Variants in CDH18 observed in about 807,000 individuals in gnomAD.
CDH18 encodes the protein cadherin-18.
Under a neutral mutation model 67.9 loss-of-function variants are expected in CDH18, and 31 were observed. That is an observed-to-expected ratio of 0.46 (90% CI 0.34 to 0.62). The LOEUF is 0.62. Ranked by LOEUF, CDH18 falls within the 20% of genes least tolerant of loss-of-function variation. The pLI is 0.01. For synonymous variants in CDH18, 362 were observed against 347.2 expected (o/e 1.04, Z -0.48); for missense variants, 890 against 975.5 (o/e 0.91, Z 1.17).
intron 2 of CDH18, among the ~76,000 whole-genome samples, chr5:20,118,604 T>G (rs1748108361): frequency 6.6e-6 from 1 of 152,186 alleles, no homozygotes; most frequent in South Asian, 2.1e-4. Context: ...CTACAGTTTG[T>G]AAGTAGTACA....
chr5:20,430,687 C>T (rs549142778), intron 1 of CDH18, among the ~76,000 whole-genome samples: 8 of 152,220 alleles, frequency 5.3e-5, no homozygotes, highest in African/African-American at 1.4e-4. Context: ...CAAAGCTAAA[C>T]AGATGGTGAG....
intron 2 of CDH18, among the ~76,000 whole-genome samples, chr5:20,090,361 C>A (rs1375450262): frequency 6.6e-6 from 1 of 151,882 alleles, no homozygotes; most frequent in Admixed American, 6.6e-5. Flanking sequence ...ATAGAGAAAC[C>A]CCGTCTCTAC....
chr5:20,548,000 T>C (rs1476847628), intron 1 of CDH18, among the ~76,000 whole-genome samples: 1 of 151,842 alleles, frequency 6.6e-6, no homozygotes, highest in Non-Finnish European at 1.5e-5. Flanking sequence ...AATAGATTTG[T>C]ATTCAGTAAG....
chr5:19,900,466 C>T (rs1033391621), intron 2 of CDH18, among the ~76,000 whole-genome samples: 4 of 151,574 alleles, frequency 2.6e-5, no homozygotes, highest in Non-Finnish European at 5.9e-5. Context: ...ATGTATCAAA[C>T]CCTGATTCGA....
At chr5:20,126,860 A>ACATTTT (rs1748874709) in intron 2 of CDH18, among the ~76,000 whole-genome samples, 1 of 152,240 alleles carries the variant, frequency 6.6e-6, no homozygotes, top group Non-Finnish European at 1.5e-5. Flanking sequence ...ACTTTTGATG[A>ACATTTT]GAATGTAAAA....
intron 3 of CDH18, among the ~76,000 whole-genome samples, chr5:19,769,807 C>T (rs1773529843): frequency 6.6e-6 from 1 of 150,550 alleles, no homozygotes. Flanking sequence ...AAGTACGACT[C>T]ACAGAGTGGG....
At position 19,576,141 on chromosome 5, in the gene CDH18, T is replaced by C. The variant is rs535154748; in HGVS notation, c.1000-4309A>G. ...AATGTAAGACCTAAAACGATAAATCTACTAGAAGAAGAAATTGAGGGGAAA... is the reference window on the plus strand; with the variant it reads ...AATGTAAGACCTAAAACGATAAATCCACTAGAAGAAGAAATTGAGGGGAAA... On this transcript the variant is annotated intron_variant, in intron 7 of 12. Transcript: ENST00000382275. Among the ~76,000 whole-genome samples, 13 of 152,124 alleles carry C rather than the reference T, an allele frequency of 8.5e-5. No individual in the cohort carries two copies. The South Asian group carries it at 2.7e-3, about 32-fold the overall frequency.
chr5:19,937,541 C>T (rs1242762892), intron 2 of CDH18, among the ~76,000 whole-genome samples: 3 of 151,392 alleles, frequency 2.0e-5, no homozygotes, highest in Admixed American at 1.3e-4. Context: ...TTTTCTATAG[C>T]AAACGAATGC....
At chr5:19,519,821 A>G (rs1579966864) in intron 10 of CDH18, among the ~76,000 whole-genome samples, 1 of 152,074 alleles carries the variant, frequency 6.6e-6, no homozygotes, top group African/African-American at 2.4e-5. Flanking sequence ...TCGGGTCTGT[A>G]TCAGAAAGAA....
intron 6 of CDH18, among the ~76,000 whole-genome samples, chr5:19,591,668 A>G (rs1745161420): frequency 6.6e-6 from 1 of 152,098 alleles, no homozygotes; most frequent in South Asian, 2.1e-4. Flanking sequence ...TATGGAATTC[A>G]ACAGAAAAAC....
chr5:20,279,325 A>G (rs959435819), intron 1 of CDH18, among the ~76,000 whole-genome samples: 2 of 152,164 alleles, frequency 1.3e-5, no homozygotes, highest in African/African-American at 4.8e-5. Flanking sequence ...TGTAATGATC[A>G]GAAAGTCAAT....
intron 9 of CDH18, 23 bp downstream of exon 9, chr5:19,543,846 C>T (rs775922742): frequency 1.3e-5 from 20 of 1,530,702 alleles, no homozygotes; most frequent in Non-Finnish European, 1.6e-5. Context: ...ACATCTTTTA[C>T]TGTGATACAT....
chr5:20,173,255 T>C (rs1161549144), intron 2 of CDH18, among the ~76,000 whole-genome samples: 1 of 152,108 alleles, frequency 6.6e-6, no homozygotes, highest in Non-Finnish European at 1.5e-5. Context: ...ATTGTGACAA[T>C]TGCTCTAAAC....
intron 1 of CDH18, among the ~76,000 whole-genome samples, chr5:20,323,811 A>G (rs886429318): frequency 2.0e-5 from 3 of 152,236 alleles, no homozygotes; most frequent in Non-Finnish European, 4.4e-5. Context: ...CACCAGAGAC[A>G]TTATAGGAAA....
chr5:19,549,382 C>T (rs2127126961), intron 8 of CDH18, among the ~76,000 whole-genome samples: 1 of 152,270 alleles, frequency 6.6e-6, no homozygotes, highest in East Asian at 1.9e-4. Context: ...GAAGCAGATG[C>T]TGGCACCATG....
At chr5:19,519,878 C>A (rs1675516045) in intron 10 of CDH18, among the ~76,000 whole-genome samples, 1 of 152,102 alleles carries the variant, frequency 6.6e-6, no homozygotes, top group Admixed American at 6.6e-5. Context: ...GATCCCTGAG[C>A]CTCGGGCGAG....
chr5:20,320,042 A>T (rs1022095151), intron 1 of CDH18, among the ~76,000 whole-genome samples: 1 of 152,236 alleles, frequency 6.6e-6, no homozygotes, highest in South Asian at 2.1e-4. Flanking sequence ...TAAGGACACA[A>T]TGCCACTCTG....
At chr5:20,487,282 C>T (rs1581093934) in intron 1 of CDH18, among the ~76,000 whole-genome samples, 1 of 151,246 alleles carries the variant, frequency 6.6e-6, no homozygotes, top group African/African-American at 2.4e-5. Flanking sequence ...ATGCTGAATC[C>T]CCACTCATCT....
intron 1 of CDH18, among the ~76,000 whole-genome samples, chr5:20,477,347 A>C (rs1242500381): frequency 1.3e-5 from 2 of 152,210 alleles, no homozygotes; most frequent in East Asian, 3.9e-4. Flanking sequence ...AGGCAATAAC[A>C]GTACCTGGTT....
Sources: gnomAD v4.1 joint callset for allele counts (sites outside exome capture counted in the v4.1 genomes callset) on GRCh38, gnomAD v4.1.1 for gene constraint, MANE v1.5 for transcripts, NCBI Gene and HGNC (gene_info 2026-07-23, HGNC 2026-07-21) for gene names.